Variants in FSTL5 observed in about 807,000 individuals in gnomAD.
The protein encoded by FSTL5 is follistatin like 5.
FSTL5 carries 62 observed loss-of-function variants against 89.1 expected under a neutral mutation model. The observed-to-expected ratio is 0.70, with a 90% CI of 0.57 to 0.86. FSTL5 has a LOEUF of 0.86. Ranked by LOEUF, FSTL5 falls within the 40% of genes least tolerant of loss-of-function variation. FSTL5 has a pLI of 0.00. For synonymous variants in FSTL5, 383 were observed against 346.2 expected (o/e 1.11, Z -1.18); for missense variants, 1,057 against 1,001.6 (o/e 1.06, Z -0.75).
At chr4:162,089,565 G>A (rs1174707804) in intron 2 of FSTL5, among the ~76,000 whole-genome samples, 3 of 150,076 alleles carry the variant, frequency 2.0e-5, no homozygotes, top group Non-Finnish European at 3.0e-5. Flanking sequence ...CCCTGGAGGC[G>A]GAGGTTGCAG....
chr4:161,680,386 C>T (rs1321244789), intron 6 of FSTL5, among the ~76,000 whole-genome samples: 1 of 151,942 alleles, frequency 6.6e-6, no homozygotes, highest in Non-Finnish European at 1.5e-5. Context: ...CTCACTCCTA[C>T]AACCTTTCCA....
chr4:161,772,792 T>C (rs145790969), intron 5 of FSTL5, among the ~76,000 whole-genome samples: 3 of 152,164 alleles, frequency 2.0e-5, no homozygotes, highest in Non-Finnish European at 4.4e-5. Context: ...ATAAATCCAA[T>C]GCAATTCCCA....
chr4:161,710,006 T>C (rs1359241639), intron 6 of FSTL5, among the ~76,000 whole-genome samples: 1 of 152,136 alleles, frequency 6.6e-6, no homozygotes, highest in Non-Finnish European at 1.5e-5. Context: ...TCTCCCTCTG[T>C]CACCCAGGGT....
At chr4:161,946,300 C>T (rs1391890315) in intron 3 of FSTL5, among the ~76,000 whole-genome samples, 1 of 152,166 alleles carries the variant, frequency 6.6e-6, no homozygotes, top group East Asian at 1.9e-4. Context: ...CCTTCTCCCA[C>T]CTACTTCTGT....
At chr4:161,603,734 A>G (rs970702715) in intron 7 of FSTL5, among the ~76,000 whole-genome samples, 3 of 152,210 alleles carry the variant, frequency 2.0e-5, no homozygotes, top group Non-Finnish European at 4.4e-5. Flanking sequence ...GAGAATCCAG[A>G]ATCATGTTCG....
chr4:161,506,877 A>T (rs890376785), intron 11 of FSTL5, among the ~76,000 whole-genome samples: 12 of 152,198 alleles, frequency 7.9e-5, no homozygotes, highest in African/African-American at 2.7e-4. Context: ...CAAACTAAAT[A>T]GTGATTTATT....
chr4:161,685,976 A>G (rs1304703495), intron 6 of FSTL5, among the ~76,000 whole-genome samples: 1 of 151,766 alleles, frequency 6.6e-6, no homozygotes, highest in Non-Finnish European at 1.5e-5. Flanking sequence ...GAAACGCTGG[A>G]TTTTGTCAAA....
chr4:161,716,693 A>C (rs1009551919), intron 6 of FSTL5, among the ~76,000 whole-genome samples: 1 of 152,128 alleles, frequency 6.6e-6, no homozygotes, highest in African/African-American at 2.4e-5. Context: ...TCCACATGAT[A>C]TTTTACATGA....
intron 4 of FSTL5, among the ~76,000 whole-genome samples, chr4:161,846,479 C>G (rs1286836741): frequency 6.6e-6 from 1 of 151,860 alleles, no homozygotes; most frequent in Non-Finnish European, 1.5e-5. Context: ...TTACAGGTAC[C>G]TAAATGTTAG....
At chr4:161,787,916 T>C (rs1741960948) in intron 4 of FSTL5, among the ~76,000 whole-genome samples, 1 of 152,186 alleles carries the variant, frequency 6.6e-6, no homozygotes, top group Non-Finnish European at 1.5e-5. Context: ...CAAGTCACTT[T>C]TGTTGCAACT....
intron 10 of FSTL5, among the ~76,000 whole-genome samples, chr4:161,527,756 A>T (rs894690711): frequency 2.0e-5 from 3 of 151,628 alleles, no homozygotes; most frequent in Non-Finnish European, 2.9e-5. Context: ...AGGGATCTAG[A>T]ACTAGAAATA....
chr4:161,550,174 A>C (rs1188274968), intron 8 of FSTL5, among the ~76,000 whole-genome samples: 1 of 151,890 alleles, frequency 6.6e-6, no homozygotes, highest in African/African-American at 2.4e-5. Context: ...CATTGCCCTT[A>C]ATATTTTTAG....
intron 4 of FSTL5, among the ~76,000 whole-genome samples, chr4:161,806,317 A>T (rs936881727): frequency 6.6e-6 from 1 of 152,142 alleles, no homozygotes; most frequent in African/African-American, 2.4e-5. Flanking sequence ...AGTTATATAG[A>T]ATCTTTCTGC....
At chr4:161,793,763 T>C (rs907181742) in intron 4 of FSTL5, among the ~76,000 whole-genome samples, 13 of 151,916 alleles carry the variant, frequency 8.6e-5, no homozygotes, top group African/African-American at 2.4e-4. Flanking sequence ...TGCGTGCCAC[T>C]GTGCCTGGCT....
At chr4:161,923,773 C>T (rs1734055216) in intron 3 of FSTL5, among the ~76,000 whole-genome samples, 1 of 151,496 alleles carries the variant, frequency 6.6e-6, no homozygotes, top group Admixed American at 6.6e-5. Context: ...CCCATATTTT[C>T]TCTTAAATCC....
chr4:161,978,398 T>A (rs894173887), intron 3 of FSTL5, among the ~76,000 whole-genome samples: 1 of 152,166 alleles, frequency 6.6e-6, no homozygotes, highest in Non-Finnish European at 1.5e-5. Flanking sequence ...ACATAACTTT[T>A]TTTTGTTGTT....
chr4:161,464,332 G>A (rs1733676014), intron 13 of FSTL5, among the ~76,000 whole-genome samples: 3 of 152,060 alleles, frequency 2.0e-5, no homozygotes, highest in African/African-American at 7.2e-5. Flanking sequence ...TCCTTGAAAA[G>A]TTCTTCCATA....
At chr4:161,726,805 C>T (rs1307554504) in intron 6 of FSTL5, among the ~76,000 whole-genome samples, 2 of 151,292 alleles carry the variant, frequency 1.3e-5, no homozygotes, top group African/African-American at 4.9e-5. Context: ...AAGCAGATAA[C>T]CTCATAATTT....
chr4:161,500,784 C>T (rs1048082944), intron 11 of FSTL5, among the ~76,000 whole-genome samples: 3 of 152,118 alleles, frequency 2.0e-5, no homozygotes, highest in African/African-American at 4.8e-5. Flanking sequence ...TTTCACACTA[C>T]GGATCTGGAT....
Sources: gnomAD v4.1 joint callset for allele counts (sites outside exome capture counted in the v4.1 genomes callset) on GRCh38, gnomAD v4.1.1 for gene constraint, MANE v1.5 for transcripts, NCBI Gene and HGNC (gene_info 2026-07-23, HGNC 2026-07-21) for gene names.